The following TTN variants were observed in gnomAD, a reference collection of about 807,000 sequenced individuals.
TTN encodes the protein connectin.
In TTN, 1,525 loss-of-function variants were observed where a neutral mutation model predicts 3,223.0. The observed-to-expected ratio is 0.47, with a 90% CI of 0.45 to 0.49. TTN has a LOEUF of 0.49. Among genes scored for constraint, TTN ranks in the 20% least tolerant of loss-of-function variants. The pLI, the probability that TTN is intolerant of heterozygous loss-of-function variation, is 0.00. For missense variants in TTN, 40,786 were observed against 43,424.0 expected (o/e 0.94, Z 5.40); for synonymous variants, 14,094 against 15,161.0 (o/e 0.93, Z 5.17).
chr2:178,646,434 T>G, intron 216 of TTN, 51 bp downstream of exon 216: 19 of 1,258,866 alleles, frequency 1.5e-5, no homozygotes, highest in Non-Finnish European at 2.1e-5. Flanking sequence ...CCATATACAT[T>G]TCAAGAGAAA....
In TTN at chr2:178,672,586, T is replaced by G. The variant is rs1296493253; in HGVS notation, c.34855+49A>C. 4 of 1,608,028 alleles carry G rather than the reference T, an allele frequency of 2.5e-6. No individual in the cohort carries two copies. The African/African-American group carries it at 5.4e-5, about 22-fold the overall frequency. On this transcript the variant is annotated intron_variant, in intron 153 of 362. Transcript: ENST00000589042. ...ACAGAGACATGAAACATAAAAGTCT[T>G]AACGAAAAAAGACAGAAGAGGAAGT...
Position 178,620,576 on chromosome 2 carries a change from C to T in TTN, c.45945G>A (p.Glu15315=), listed in dbSNP as rs774122600. 2.7e-5 allele frequency: 43 copies of T among 1,611,246 alleles called. No individual in the cohort carries two copies. The highest frequency in any genetic ancestry group is 3.4e-5 in the Non-Finnish European group (40 of 1,178,548). The part of the protein sequence containing the change: ...VEPLKDIETM[E]KKSVTFWCKV... ...TGCACCAGAATGTGACAGATTTCTT[C>T]TCCATTGTTTCAATATCTTTAAGAG... Residue 15315 remains glutamate, a synonymous_variant, in exon 248 of 363, where the codon GAG becomes GAA. Transcript: ENST00000589042.
chr2:178,618,988 A>C, intron 250 of TTN, 135 bp from the exon 251 acceptor site: 1 of 1,228,894 alleles, frequency 8.1e-7, no homozygotes, highest in Non-Finnish European at 1.1e-6. Context: ...TAGCAGAGAA[A>C]ACTAAGTGGC....
At position 178,702,235 on chromosome 2, in the gene TTN, C is replaced by G. The variant is rs367901929; in HGVS notation, c.30444G>C (p.Ser10148=). ...CTCTTGGCTCCAGCCGAGCGATGACCGAGTAGACACCTAGGGTGAAAAATC... is the reference window on the plus strand; with the variant it reads ...CTCTTGGCTCCAGCCGAGCGATGACGGAGTAGACACCTAGGGTGAAAAATC... ...NVTPDDEGVY[S]VIARLEPRGE... Residue 10148 remains serine (S), a synonymous_variant, in exon 108 of 363, where the codon TCG becomes TCC. Transcript: ENST00000589042. 1 of 1,613,778 alleles carries G rather than the reference C, an allele frequency of 6.2e-7. No homozygotes were observed. Among genetic ancestry groups the G allele is most frequent in the Non-Finnish European group, 8.5e-7 (1 of 1,179,886 alleles).
chr2:178,680,337 A>G lies in TTN; in HGVS notation c.33341-6T>C, dbSNP rs1560325395. 6.2e-7 allele frequency: 1 copy of G among 1,607,050 alleles called. No individual in the cohort carries two copies. Among genetic ancestry groups the G allele is most frequent in the East Asian group, 2.2e-5 (1 of 44,848 alleles). On this transcript the variant is annotated splice_polypyrimidine_tract_variant and splice_region_variant and intron_variant, in intron 138 of 362. Transcript: ENST00000589042. ...CCTCTTGGGCTTCATGGGCACTTGAAATATGAAGTATAAGGAAATTTTATT... is the reference window on the plus strand; with the variant it reads ...CCTCTTGGGCTTCATGGGCACTTGAGATATGAAGTATAAGGAAATTTTATT...
At chr2:178,751,788 AC>A (rs764334297) in intron 47 of TTN, 1 of 1,613,152 alleles carries the variant, frequency 6.2e-7, no homozygotes, top group East Asian at 2.2e-5. Context: ...TTGTTATGAA[AC>A]CAAGTCATTT....
Position 178,666,918 on chromosome 2 carries a change from AT to A in TTN, c.35798-18del, listed in dbSNP as rs773942530. 104 of 1,506,234 alleles carry A rather than the reference AT, an allele frequency of 6.9e-5. No homozygotes were observed. The highest frequency in any genetic ancestry group is 2.0e-4 in the East Asian group (8 of 40,296). The allele number at this position is 1,506,234 out of a possible 1,614,324, so 93.3% of individuals were successfully genotyped here. A position where few individuals can be genotyped will look rare whatever the true frequency, so the allele number is the denominator to read the frequency against. On this transcript the variant is annotated intron_variant, in intron 162 of 362. Coordinates refer to ENST00000589042, the MANE Select transcript of TTN (RefSeq NM_001267550.2). The stretch of plus-strand genomic sequence containing the variant: ...CTTCAAACTCTTTAAAGATATTAGT[AT>A]TTTTTTTAATTGAGAAAAGGCAAAG...
At position 178,789,500 on chromosome 2, in the gene TTN, G is replaced by A. The variant is rs1028806658; in HGVS notation, c.1939-3C>T. On this transcript the variant is annotated splice_region_variant and splice_polypyrimidine_tract_variant and intron_variant, in intron 12 of 362. Coordinates refer to ENST00000589042, the MANE Select transcript of TTN (RefSeq NM_001267550.2). ...GTTTTCTCGGCTTCCTTTCTCATCT[G>A]ATTATTACAGTAAAATCAAGATTTA... is the stretch of plus-strand genomic sequence containing the variant. 6.2e-7 allele frequency: 1 copy of A among 1,612,928 alleles called. No individual in the cohort carries two copies. The highest frequency in any genetic ancestry group is 1.3e-5 in the African/African-American group (1 of 74,884).
chr2:178,555,649 A>G (rs910583124), intron 330 of TTN: 1 of 156,630 alleles, frequency 6.4e-6, no homozygotes, highest in African/African-American at 2.4e-5. Flanking sequence ...GTTTGGAATT[A>G]TCAAGAAAGA....
rs746721983 is a variant in TTN at position 178,706,629 on chromosome 2, G to A, written c.29245C>T (p.Gln9749Ter). Residue 9749 changes from glutamine to a stop codon, truncating the protein, a stop_gained, in exon 102 of 363, where the codon CAA becomes TAA. Transcript: ENST00000589042. LOFTEE classifies it high-confidence loss of function. ...LNQGGRVFIH[Q>*]KGDEAKLEIR... The stretch of plus-strand genomic sequence containing the variant: ...TCCAGTTTTGCTTCATCGCCTTTTT[G>A]GTGGATGAAAACACGACCTCCTTGG... 22 of 1,613,720 alleles carry A rather than the reference G, an allele frequency of 1.4e-5. No individual in the cohort carries two copies. Among genetic ancestry groups the A allele is most frequent in the Non-Finnish European group, 1.7e-6 (2 of 1,179,836 alleles).
intron 219 of TTN, 80 bp downstream of exon 219, chr2:178,642,157 G>C: frequency 8.0e-7 from 1 of 1,244,054 alleles, no homozygotes. Context: ...GAAAACCAAA[G>C]GACAGAAACA....
chr2:178,646,606 T>C, intron 215 of TTN, 47 bp from the exon 216 acceptor site: 1 of 1,179,834 alleles, frequency 8.5e-7, no homozygotes, highest in Non-Finnish European at 1.2e-6. Context: ...TGTAAAGTTC[T>C]TCAAAAAGAC....
intron 47 of TTN, among the ~76,000 whole-genome samples, chr2:178,742,613 T>G (rs1429568579): frequency 1.3e-5 from 2 of 152,152 alleles, no homozygotes; most frequent in African/African-American, 4.8e-5. Context: ...TTGTATTTTA[T>G]TGTATAAGAA....
In TTN at chr2:178,769,910, T is replaced by C; in HGVS notation, c.8671A>G (p.Ile2891Val). ...TLHITKTMKN[I>V]EVPETKTASF... ...GCAGTTTTGGTCTCAGGCACCTCGATATTTTTCATGGTTTTTGTAATATGT... is the reference window on the plus strand; with the variant it reads ...GCAGTTTTGGTCTCAGGCACCTCGACATTTTTCATGGTTTTTGTAATATGT... Residue 2891 changes from isoleucine to valine, a missense_variant, in exon 37 of 363, where the codon ATC becomes GTC. Transcript: ENST00000589042. The C allele has an allele frequency of 6.2e-7, 1 of 1,614,130 alleles. No homozygotes were observed. Among genetic ancestry groups the C allele is most frequent in the Non-Finnish European group, 8.5e-7 (1 of 1,180,004 alleles).
chr2:178,580,800 A>C (rs920762447), intron 316 of TTN, 191 bp from the exon 317 acceptor site: 30 of 631,266 alleles, frequency 4.8e-5, no homozygotes, highest in Admixed American at 1.1e-4. Flanking sequence ...ATTTTCCACT[A>C]TGCTTTAGGC....
Position 178,644,581 on chromosome 2 carries a change from C to T in TTN, c.40444G>A (p.Val13482Ile), listed in dbSNP as rs772764901. 3 of 1,579,176 alleles carry T rather than the reference C, an allele frequency of 1.9e-6. No homozygotes were observed. Among genetic ancestry groups the T allele is most frequent in the East Asian group, 2.3e-5 (1 of 43,094 alleles). The change falls in exon 218 of 363, where the codon GTT becomes ATT. Residue 13482 changes from valine (V) to isoleucine (I), a missense_variant. By Grantham distance (29) the Val-to-Ile change is conservative. Coordinates refer to ENST00000589042, the MANE Select transcript of TTN (RefSeq NM_001267550.2). ...GGTGTAAGCTCCACTTTTTCTGGAA[C>T]CTGAGGTTTTTCAGGAACTTTCTTC... ...PKKKVPEKPQ[V>I]PEKVELTPLK...
chr2:178,734,310 A>C lies in TTN; in HGVS notation c.15496+18T>G, dbSNP rs1009349324. On this transcript the variant is annotated intron_variant, in intron 52 of 362. Transcript: ENST00000589042. The stretch of plus-strand genomic sequence containing the variant: ...TTTGACAATTTATTAAAGAGACATT[A>C]GTTTTTCAAGCACTAACCTTTGAGT... The C allele has an allele frequency of 6.5e-7, 1 of 1,546,346 alleles. No individual in the cohort carries two copies. The highest frequency in any genetic ancestry group is 8.7e-7 in the Non-Finnish European group (1 of 1,149,892).
intron 47 of TTN, chr2:178,746,763 C>G (rs946038734): frequency 6.2e-7 from 1 of 1,613,252 alleles, no homozygotes; most frequent in African/African-American, 1.3e-5. Context: ...CATTTCACAC[C>G]AGGAACTGGA....
At chr2:178,794,878 A>T in intron 7 of TTN, 44 bp downstream of exon 7, 1 of 1,593,926 alleles carries the variant, frequency 6.3e-7, no homozygotes, top group Non-Finnish European at 8.5e-7. Flanking sequence ...AGTTGGAGAA[A>T]CTAGAATGTG....
Sources: allele counts gnomAD v4.1 joint callset (sites outside exome capture counted in the v4.1 genomes callset), GRCh38; gene constraint gnomAD v4.1.1; transcripts MANE v1.5; gene names NCBI Gene and HGNC (gene_info 2026-07-23, HGNC 2026-07-21).